The following STN1 variants were observed in gnomAD, a reference collection of about 807,000 sequenced individuals.
STN1 encodes STN1 subunit of CST complex.
A neutral mutation model predicts 45.5 loss-of-function variants in STN1; 29 were observed. The ratio of observed to expected loss-of-function variants is 0.64; its 90% CI spans 0.47 to 0.87. The LOEUF (loss-of-function observed/expected upper bound fraction) is 0.87. STN1 is among the 40% of genes least tolerant of loss of function. STN1 has a pLI of 0.00. For synonymous variants in STN1, 148 were observed against 159.0 expected (o/e 0.93, Z 0.52); for missense variants, 376 against 441.4 (o/e 0.85, Z 1.33).
Position 103,882,598 on chromosome 10 carries a change from A to G in STN1, c.*86T>C. 1 of 1,372,066 alleles carries G rather than the reference A, an allele frequency of 7.3e-7. No individual in the cohort carries two copies. The highest frequency in any genetic ancestry group is 9.9e-7 in the Non-Finnish European group (1 of 1,008,152). 85.0% of individuals were successfully genotyped at this position (1,372,066 alleles called of 1,614,324 possible). ...ATGAGGTAACTGCCTCCAGACAGAT[A>G]AGCCCCTGCATGATGCTGAAAGTCA... On this transcript the variant is annotated 3_prime_UTR_variant, in exon 10 of 10. Coordinates refer to ENST00000224950, the MANE Select transcript of STN1 (RefSeq NM_024928.5).
At chr10:103,905,691 G>C (rs534461564) in intron 3 of STN1, among the ~76,000 whole-genome samples, 1 of 152,250 alleles carries the variant, frequency 6.6e-6, no homozygotes, top group Admixed American at 6.5e-5. Flanking sequence ...CTTTGTGAAA[G>C]ATCTTTTGCC....
In STN1 at chr10:103,879,434, T is replaced by G. The variant is rs1404259890; in HGVS notation, c.*3250A>C. 6.6e-6 allele frequency: 1 copy of G among 152,504 alleles called. No homozygotes were observed. Among genetic ancestry groups the G allele is most frequent in the East Asian group, 1.9e-4 (1 of 5,204 alleles). 9.4% of individuals were successfully genotyped at this position (152,504 alleles called of 1,614,324 possible). A position where few individuals can be genotyped will look rare whatever the true frequency, so the allele number is the denominator to read the frequency against. ...TGGGTTGCAAACAGCGAAAGAGGAA[T>G]GAGGGCAGGCCTCACTGAGAAGGTG... On this transcript the variant is annotated 3_prime_UTR_variant, in exon 10 of 10. Transcript: ENST00000224950.
chr10:103,913,844 T>C (rs956278545), intron 2 of STN1, among the ~76,000 whole-genome samples: 2 of 151,560 alleles, frequency 1.3e-5, no homozygotes, highest in Admixed American at 1.3e-4. Flanking sequence ...GTGTTCCTGC[T>C]GTTCCACATG....
At chr10:103,898,597 C>T (rs1434571385) in intron 6 of STN1, among the ~76,000 whole-genome samples, 1 of 152,144 alleles carries the variant, frequency 6.6e-6, no homozygotes, top group Non-Finnish European at 1.5e-5. Context: ...ATTATTTCTT[C>T]CAAGTGTTTT....
chr10:103,893,372 G>C (rs956014229), intron 7 of STN1, among the ~76,000 whole-genome samples: 1 of 152,120 alleles, frequency 6.6e-6, no homozygotes, highest in Non-Finnish European at 1.5e-5. Flanking sequence ...GTTTCACCAT[G>C]TTAGCCAGGA....
chr10:103,878,438 T>C lies in STN1; in HGVS notation c.*4246A>G, dbSNP rs1843044701. ...TACCTCATTCTTGGTTTACTCATGC[T>C]TCAGGTTACATGAATGTGGGGTGGG... is the stretch of plus-strand genomic sequence containing the variant. On this transcript the variant is annotated 3_prime_UTR_variant, in exon 10 of 10. Coordinates refer to ENST00000224950, the MANE Select transcript of STN1 (RefSeq NM_024928.5). The C allele has an allele frequency of 6.6e-6, 1 of 152,256 alleles. No individual in the cohort carries two copies. Among genetic ancestry groups the C allele is most frequent in the Admixed American group, 6.5e-5 (1 of 15,292 alleles). 9.4% of individuals were successfully genotyped at this position (152,256 alleles called of 1,614,324 possible).
intron 8 of STN1, among the ~76,000 whole-genome samples, chr10:103,889,399 G>C (rs192544372): frequency 1.3e-5 from 2 of 152,070 alleles, no homozygotes; most frequent in South Asian, 2.1e-4. Flanking sequence ...TACTTTTAAG[G>C]GACAACTTTC....
chr10:103,917,560 G>T lies in STN1; in HGVS notation c.35C>A (p.Thr12Asn). Reference protein sequence around the residue: ...QPGSSRCEEETPSLLWGLDPV... With the variant: ...QPGSSRCEEENPSLLWGLDPV... ...ATCCAAACCCCACAAGAGGGAAGGG[G>T]TCTCCTCTTCACACCGGCTGGATCC... The change falls in exon 2 of 10, where the codon ACC (threonine) becomes AAC (asparagine). Residue 12 changes from threonine (T) to asparagine (N), a missense_variant. Coordinates refer to ENST00000224950, the MANE Select transcript of STN1 (RefSeq NM_024928.5). 1 of 1,614,066 alleles carries T rather than the reference G, an allele frequency of 6.2e-7. No individual in the cohort carries two copies. Among genetic ancestry groups the T allele is most frequent in the South Asian group, 1.1e-5 (1 of 91,084 alleles).
intron 2 of STN1, among the ~76,000 whole-genome samples, chr10:103,912,254 C>G (rs1202764210): frequency 6.6e-6 from 1 of 152,076 alleles, no homozygotes; most frequent in Non-Finnish European, 1.5e-5. Context: ...GATGGGGTCT[C>G]TCCCTGTCGC....
rs1322983348 is a variant in STN1, at chr10:103,905,096, A to G, written c.290T>C (p.Val97Ala). ...ICWKKLNTESVSAAPSAAREL... is the reference protein window; with the variant it reads ...ICWKKLNTESASAAPSAAREL... ...AATGTGGCAAATAAAATTACCTGAT[A>G]CAGACTCAGTATTCAACTTTTTCCA... Residue 97 changes from valine (V) to alanine (A), a missense_variant, in exon 4 of 10, where the codon GTA becomes GCA. Transcript: ENST00000224950. 1 of 1,613,602 alleles carries G rather than the reference A, an allele frequency of 6.2e-7. No individual in the cohort carries two copies. Among genetic ancestry groups the G allele is most frequent in the Middle Eastern group, 1.6e-4 (1 of 6,062 alleles).
chr10:103,914,368 A>ATTT (rs1564636176), intron 2 of STN1, among the ~76,000 whole-genome samples: 4 of 15,426 alleles, frequency 2.6e-4, no homozygotes, highest in East Asian at 5.4e-3. Context: ...ATATATATAT[A>ATTT]TATATATTTT....
chr10:103,915,520 C>G (rs1457785755), intron 2 of STN1, among the ~76,000 whole-genome samples: 9 of 152,174 alleles, frequency 5.9e-5, no homozygotes, highest in Admixed American at 3.9e-4. Flanking sequence ...CTGCAGGAAC[C>G]AAGGGCAAAG....
At chr10:103,914,266 T>C (rs1843309657) in intron 2 of STN1, among the ~76,000 whole-genome samples, 1 of 150,078 alleles carries the variant, frequency 6.7e-6, no homozygotes, top group African/African-American at 2.4e-5. Flanking sequence ...TCATTAAAGT[T>C]TGACATGGAT....
Position 103,897,601 on chromosome 10 carries a change from A to T in STN1, c.700T>A (p.Ser234Thr). The stretch of plus-strand genomic sequence containing the variant: ...GGCTGATTGGCAAGGGACAGCAAAG[A>T]CTCCACCATTTCCAGCTCCTGCTGG... ...FYQQELEMVE[S>T]LLSLANQPVI... Residue 234 changes from serine to threonine, a missense_variant, in exon 7 of 10, where the codon TCT becomes ACT. By Grantham distance (58) the Ser-to-Thr change is moderately conservative. Transcript: ENST00000224950. The T allele has an allele frequency of 6.2e-7, 1 of 1,613,858 alleles. No individual in the cohort carries two copies. The highest frequency in any genetic ancestry group is 1.1e-5 in the South Asian group (1 of 91,060).
At chr10:103,907,309 G>A (rs904434935) in intron 3 of STN1, among the ~76,000 whole-genome samples, 4 of 151,996 alleles carry the variant, frequency 2.6e-5, no homozygotes, top group Admixed American at 6.6e-5. Flanking sequence ...TTACAATGAC[G>A]TAGTATATGA....
intron 5 of STN1, among the ~76,000 whole-genome samples, chr10:103,899,385 T>C (rs1272060928): frequency 6.6e-6 from 1 of 152,242 alleles, no homozygotes; most frequent in Non-Finnish European, 1.5e-5. Context: ...TTAAAGTTAA[T>C]GGACTTAATG....
chr10:103,907,791 T>C (rs1384629344), intron 3 of STN1, among the ~76,000 whole-genome samples: 3 of 151,970 alleles, frequency 2.0e-5, no homozygotes, highest in African/African-American at 7.2e-5. Context: ...CACTTCTCTG[T>C]AGGTGAAAAG....
intron 3 of STN1, among the ~76,000 whole-genome samples, chr10:103,909,227 A>G (rs1173790100): frequency 6.6e-6 from 1 of 151,070 alleles, no homozygotes. Flanking sequence ...ATAGCTGGAT[A>G]CACTGTAGGA....
chr10:103,917,158 G>A (rs1384177291), intron 2 of STN1, among the ~76,000 whole-genome samples: 1 of 149,678 alleles, frequency 6.7e-6, no homozygotes, highest in Non-Finnish European at 1.5e-5. Context: ...CTCTCCAACA[G>A]GAGCAGGGCC....
Sources: gnomAD v4.1 joint callset for allele counts (sites outside exome capture counted in the v4.1 genomes callset) on GRCh38, gnomAD v4.1.1 for gene constraint, MANE v1.5 for transcripts, NCBI Gene and HGNC (gene_info 2026-07-23, HGNC 2026-07-21) for gene names.